Variants in FAM118A observed in about 807,000 individuals in gnomAD.
FAM118A encodes SIR2 antiphage like 2, also known as protein FAM118A.
Under a neutral mutation model 38.2 loss-of-function variants are expected in FAM118A, and 25 were observed. That is an observed-to-expected ratio of 0.65 (90% confidence interval 0.48 to 0.91). The LOEUF is 0.91. Among genes scored for constraint, FAM118A ranks in the 40% least tolerant of loss-of-function variants. The pLI is 0.00. For missense variants in FAM118A, 425 were observed against 463.3 expected, an observed-to-expected ratio of 0.92 and a Z score of 0.76; for synonymous variants, 178 against 184.1, an observed-to-expected ratio of 0.97 and a Z score of 0.27.
intron 1 of FAM118A, among the ~76,000 whole-genome samples, chr22:45,317,590 C>T (rs771236584): frequency 4.6e-5 from 7 of 152,238 alleles, no homozygotes; most frequent in Non-Finnish European, 1.0e-4. Context: ...TTCGTTCATT[C>T]GTCCATCTGC....
At position 45,332,587 on chromosome 22, in the gene FAM118A, T is replaced by A. The variant is rs2085799730; in HGVS notation, c.814T>A (p.Phe272Ile). The A allele has an allele frequency of 6.2e-7, 1 of 1,614,078 alleles. No individual in the cohort carries two copies. Among genetic ancestry groups the A allele is most frequent in the African/African-American group, 1.3e-5 (1 of 74,924 alleles). ...GCTGAAGGAGAATGAAGACCATTTC[T>A]TTAAGCATCAGGCAGATATGCTTCT... is the stretch of plus-strand genomic sequence containing the variant. ...LVLKENEDHFFKHQADMLLHG... is the reference protein window; with the variant it reads ...LVLKENEDHFIKHQADMLLHG... Residue 272 changes from phenylalanine to isoleucine, a missense_variant, in exon 6 of 9, where the codon TTT becomes ATT. Physicochemically the swap from Phe to Ile is conservative, Grantham distance 21. Coordinates refer to ENST00000441876, the MANE Select transcript of FAM118A (RefSeq NM_017911.4).
chr22:45,331,311 G>A (rs1157562483), intron 5 of FAM118A, among the ~76,000 whole-genome samples: 3 of 152,090 alleles, frequency 2.0e-5, no homozygotes, highest in Non-Finnish European at 1.5e-5. Context: ...GCAACAGAGC[G>A]ATACCTCATT....
intron 1 of FAM118A, among the ~76,000 whole-genome samples, chr22:45,311,252 A>G (rs2084351095): frequency 6.6e-6 from 1 of 152,212 alleles, no homozygotes; most frequent in South Asian, 2.1e-4. Context: ...CAAAAGGCAG[A>G]GAGGCTGCCA....
chr22:45,311,617 G>A (rs560806716), intron 1 of FAM118A, among the ~76,000 whole-genome samples: 1 of 152,186 alleles, frequency 6.6e-6, no homozygotes, highest in African/African-American at 2.4e-5. Context: ...TGAGTGGAGG[G>A]TTTGGTACTT....
chr22:45,332,686 C>T lies in FAM118A; in HGVS notation c.913C>T (p.Gln305Ter), dbSNP rs752808642. ...AGGATATGTGCAAGACCTTGCCACT[C>T]AGATCTGCAAACAGCAAAGCCCAGG... ...FPGYVQDLAT[Q>*]ICKQQSPDAD... Residue 305 changes from glutamine (Q) to a stop codon, truncating the protein, a stop_gained, in exon 6 of 9, where the codon CAG becomes TAG. Transcript: ENST00000441876. LOFTEE classifies it high-confidence loss of function. 1.9e-6 allele frequency: 3 copies of T among 1,608,886 alleles called. No homozygotes were observed. The highest frequency in any genetic ancestry group is 2.2e-5 in the South Asian group (2 of 90,626).
Position 45,332,469 on chromosome 22 carries a change from G to A in FAM118A, c.696G>A (p.Val232=), listed in dbSNP as rs1337848519. Residue 232 remains valine (V), a synonymous_variant, in exon 6 of 9, where the codon GTG becomes GTA. Coordinates refer to ENST00000441876, the MANE Select transcript of FAM118A (RefSeq NM_017911.4). Reference sequence around the variant, plus strand: ...ACCGCACCAAGTCCTTTCTGTTTGTGGGCTGTGGGGAGACCCTTCGTGATC... The same window carrying A: ...ACCGCACCAAGTCCTTTCTGTTTGTAGGCTGTGGGGAGACCCTTCGTGATC... ...NLYRTKSFLF[V]GCGETLRDQI... 4 of 1,614,022 alleles carry A rather than the reference G, an allele frequency of 2.5e-6. No individual in the cohort carries two copies.
intron 3 of FAM118A, among the ~76,000 whole-genome samples, chr22:45,327,309 C>A (rs2085345073): frequency 6.6e-6 from 1 of 150,404 alleles, no homozygotes; most frequent in Non-Finnish European, 1.5e-5. Context: ...CACGCTGTTT[C>A]ATTACCACCG....
At chr22:45,327,268 G>C (rs1371086923) in intron 3 of FAM118A, among the ~76,000 whole-genome samples, 1 of 151,660 alleles carries the variant, frequency 6.6e-6, no homozygotes, top group Non-Finnish European at 1.5e-5. Context: ...AAGAAACACT[G>C]CCTCCCGCCT....
In FAM118A at chr22:45,336,300, A is replaced by G. The variant is rs371338464; in HGVS notation, c.971-28A>G. 18 of 1,582,960 alleles carry G rather than the reference A, an allele frequency of 1.1e-5. No homozygotes were observed. The African/African-American group carries it at 2.3e-4, about 20-fold the overall frequency. Reference sequence around the variant, plus strand: ...TTGGCGAGTGGATTCTGAATAAACAAGCTTCTTAATAAATTCTTCTCTTTT... The same window carrying G: ...TTGGCGAGTGGATTCTGAATAAACAGGCTTCTTAATAAATTCTTCTCTTTT... On this transcript the variant is annotated intron_variant, in intron 7 of 8. Coordinates refer to ENST00000441876, the MANE Select transcript of FAM118A (RefSeq NM_017911.4).
chr22:45,315,542 C>T (rs2084568582), intron 1 of FAM118A, among the ~76,000 whole-genome samples: 1 of 152,176 alleles, frequency 6.6e-6, no homozygotes, highest in Non-Finnish European at 1.5e-5. Context: ...ATACGCGTCT[C>T]CCTTGAATGT....
chr22:45,322,018 C>A, intron 1 of FAM118A: 1 of 375,218 alleles, frequency 2.7e-6, no homozygotes, highest in Non-Finnish European at 5.1e-6. Context: ...CATCTGTGTT[C>A]ATGTGCACTG....
intron 6 of FAM118A, among the ~76,000 whole-genome samples, chr22:45,333,751 G>C (rs1324665104): frequency 6.6e-6 from 1 of 152,098 alleles, no homozygotes; most frequent in African/African-American, 2.4e-5. Flanking sequence ...TCAGGTGGGG[G>C]GATTGCTTGA....
intron 1 of FAM118A, chr22:45,318,510 C>G (rs2084707161): frequency 6.6e-6 from 1 of 152,190 alleles, no homozygotes; most frequent in Non-Finnish European, 1.5e-5. Flanking sequence ...CTTCTAGGAC[C>G]TGGTGCCGAG....
At chr22:45,323,549 T>C in intron 3 of FAM118A, 122 bp downstream of exon 3, 3 of 1,294,582 alleles carry the variant, frequency 2.3e-6, no homozygotes, top group Non-Finnish European at 3.2e-6. Context: ...AGAGTCGGGC[T>C]GATGAGCCAG....
At chr22:45,333,097 G>C (rs6007595) in intron 6 of FAM118A, among the ~76,000 whole-genome samples, 132,747 of 152,168 alleles carry the variant, frequency 0.87, 58,000 homozygotes, top group African/African-American at 0.91. Context: ...GTTTCTCTCT[G>C]TCTTTTTTTG....
At chr22:45,332,119 G>A (rs561706115) in intron 5 of FAM118A, among the ~76,000 whole-genome samples, 1 of 152,332 alleles carries the variant, frequency 6.6e-6, no homozygotes, top group African/African-American at 2.4e-5. Flanking sequence ...GTGGGCGATG[G>A]GCTGGCCTTG....
Position 45,323,448 on chromosome 22 carries a change from TCTTGGGGACAG to T in FAM118A, c.300+27_300+37del, listed in dbSNP as rs769622398. 425 of 1,605,572 alleles carry T rather than the reference TCTTGGGGACAG, an allele frequency of 2.6e-4. 1 individual carries two copies. The highest frequency in any genetic ancestry group is 6.6e-4 in the Middle Eastern group (4 of 6,038). ...CACCTGTAAGTGTCAGACAAGTACC[TCTTGGGGACAG>T]CTTGGTTCTGCAGCAGGTTGGATGA... On this transcript the variant is annotated intron_variant, in intron 3 of 8. Transcript: ENST00000441876.
At chr22:45,320,319 G>A (rs2084797790) in intron 1 of FAM118A, among the ~76,000 whole-genome samples, 1 of 152,014 alleles carries the variant, frequency 6.6e-6, no homozygotes, top group East Asian at 1.9e-4. Flanking sequence ...AAAATTAGCC[G>A]GATGTGGTGG....
intron 6 of FAM118A, among the ~76,000 whole-genome samples, chr22:45,334,661 G>A (rs1430072484): frequency 6.6e-6 from 1 of 152,202 alleles, no homozygotes; most frequent in African/African-American, 2.4e-5. Flanking sequence ...TTTCATAGAC[G>A]AGATGAGCTG....
Sources: gnomAD v4.1 joint callset for allele counts (sites outside exome capture counted in the v4.1 genomes callset) on GRCh38, gnomAD v4.1.1 for gene constraint, MANE v1.5 for transcripts, NCBI Gene and HGNC (gene_info 2026-07-23, HGNC 2026-07-21) for gene names.